The following SH3RF3 variants were observed in gnomAD, a reference collection of about 807,000 sequenced individuals.
The protein encoded by SH3RF3 is E3 ubiquitin-protein ligase SH3RF3.
Under a neutral mutation model 66.3 loss-of-function variants are expected in SH3RF3, and 29 were observed. The observed-to-expected ratio is 0.44, with a 90% confidence interval of 0.33 to 0.60. The LOEUF is 0.60. Among genes scored for constraint, SH3RF3 ranks in the 20% least tolerant of loss-of-function variants. The probability of loss-of-function intolerance (pLI) is 0.04; values close to 1 mark genes in which losing one functional copy is unlikely to be tolerated. For synonymous variants in SH3RF3, 583 were observed against 532.0 expected (o/e 1.10, Z -1.32); for missense variants, 1,194 against 1,190.9 (o/e 1.00, Z -0.04).
intron 1 of SH3RF3, among the ~76,000 whole-genome samples, chr2:109,201,597 T>C (rs970533545): frequency 3.3e-5 from 5 of 152,184 alleles, no homozygotes; most frequent in African/African-American, 1.2e-4. Context: ...AAGTGTGATC[T>C]GGGACCATGC....
intron 1 of SH3RF3, among the ~76,000 whole-genome samples, chr2:109,154,260 G>C (rs1175141707): frequency 6.6e-6 from 1 of 152,192 alleles, no homozygotes; most frequent in Non-Finnish European, 1.5e-5. Context: ...TGACCACATT[G>C]GATGGAAGCT....
Position 109,490,789 on chromosome 2 carries a change from T to C in SH3RF3, c.2333T>C (p.Ile778Thr), listed in dbSNP as rs1679108874. The change falls in exon 9 of 10, where the codon ATA becomes ACA. Residue 778 changes from isoleucine (I) to threonine (T), a missense_variant. Ile to Thr is a moderately conservative substitution (Grantham distance 89). Coordinates refer to ENST00000309415, the MANE Select transcript of SH3RF3 (RefSeq NM_001099289.3). ...SIHGRAGSCP[I>T]ESEMQGAMGM... ...CACGGCAGGGCAGGGTCCTGCCCCA[T>C]AGAGAGCGAGATGCAGGGTGCCATG... 2.6e-6 allele frequency: 4 copies of C among 1,536,734 alleles called. No individual in the cohort carries two copies. Among genetic ancestry groups the C allele is most frequent in the East Asian group, 2.4e-5 (1 of 40,900 alleles).
intron 1 of SH3RF3, among the ~76,000 whole-genome samples, chr2:109,341,936 A>G (rs768355775): frequency 6.6e-6 from 1 of 152,134 alleles, no homozygotes; most frequent in Non-Finnish European, 1.5e-5. Context: ...CAAAAGAAGC[A>G]GAAAGTGGGT....
chr2:109,249,521 T>TTTCTTTCTTTCTTTCTTTC (rs1680017131), intron 1 of SH3RF3, among the ~76,000 whole-genome samples: 1 of 93,660 alleles, frequency 1.1e-5, no homozygotes, highest in Non-Finnish European at 2.2e-5. Context: ...TTCTTTCTTT[T>TTTCTTTCTTTCTTTCTTTC]TCTTTCTTTC....
At chr2:109,206,238 C>G (rs1333401541) in intron 1 of SH3RF3, among the ~76,000 whole-genome samples, 1 of 152,090 alleles carries the variant, frequency 6.6e-6, no homozygotes, top group Non-Finnish European at 1.5e-5. Context: ...CGCCTGTAAT[C>G]CCAGCACTTT....
In SH3RF3 at chr2:109,129,227, C is replaced by A. The variant is rs1298009681; in HGVS notation, c.-314C>A. 1 of 547,484 alleles carries A rather than the reference C, an allele frequency of 1.8e-6. No individual in the cohort carries two copies. The highest frequency in any genetic ancestry group is 2.0e-5 in the African/African-American group (1 of 49,718). 33.9% of individuals were successfully genotyped at this position (547,484 alleles called of 1,614,324 possible). A position where few individuals can be genotyped will look rare whatever the true frequency, so the allele number is the denominator to read the frequency against. On this transcript the variant is annotated 5_prime_UTR_variant, in exon 1 of 10. Coordinates refer to ENST00000309415, the MANE Select transcript of SH3RF3 (RefSeq NM_001099289.3). ...AGCACAGAACCCGTTGAGCTTCGTG[C>A]CCGGCAGCACCCCCGGTCCCCCGCG...
intron 3 of SH3RF3, among the ~76,000 whole-genome samples, chr2:109,384,854 G>T (rs1285132332): frequency 5.3e-5 from 8 of 152,208 alleles, no homozygotes; most frequent in African/African-American, 1.9e-4. Flanking sequence ...TGGTTCCCAT[G>T]TGGCTTCTGA....
rs529461674 is a variant in SH3RF3 at position 109,312,939 on chromosome 2, C to T, written c.574-34735C>T. Reference sequence around the variant, plus strand: ...TCCTAGGTGTACGTTATTGAAGAGCCGCCCTATGTTTTCCACAGCAGCCCT... The same window carrying T: ...TCCTAGGTGTACGTTATTGAAGAGCTGCCCTATGTTTTCCACAGCAGCCCT... On this transcript the variant is annotated intron_variant, in intron 1 of 9. Coordinates refer to ENST00000309415, the MANE Select transcript of SH3RF3 (RefSeq NM_001099289.3). Among the ~76,000 whole-genome samples, 21 of 152,240 alleles carry T rather than the reference C, an allele frequency of 1.4e-4. No homozygotes were observed. In the East Asian group the frequency reaches 2.3e-3, roughly 17 times the overall value.
At chr2:109,237,363 C>T (rs931302497) in intron 1 of SH3RF3, among the ~76,000 whole-genome samples, 3 of 152,122 alleles carry the variant, frequency 2.0e-5, no homozygotes, top group African/African-American at 7.2e-5. Flanking sequence ...AATGTTGTTT[C>T]TCAGCTTTCA....
intron 5 of SH3RF3, among the ~76,000 whole-genome samples, chr2:109,431,529 A>C (rs1020973144): frequency 6.6e-6 from 1 of 152,204 alleles, no homozygotes; most frequent in Non-Finnish European, 1.5e-5. Flanking sequence ...AGTTAGAGGC[A>C]CAGCATCTAA....
At chr2:109,401,657 A>T (rs35876648) in intron 4 of SH3RF3, among the ~76,000 whole-genome samples, 46,777 of 152,134 alleles carry the variant, frequency 0.31, 8,544 homozygotes, top group Non-Finnish European at 0.41. Context: ...GGCCAGGGGC[A>T]TCTTCTCTGC....
At chr2:109,436,459 G>A (rs1171635804) in intron 6 of SH3RF3, among the ~76,000 whole-genome samples, 3 of 152,214 alleles carry the variant, frequency 2.0e-5, no homozygotes, top group Admixed American at 6.5e-5. Flanking sequence ...CAGCAGATGC[G>A]AGGTGGCAGT....
At chr2:109,226,897 G>A (rs943217862) in intron 1 of SH3RF3, among the ~76,000 whole-genome samples, 3 of 152,296 alleles carry the variant, frequency 2.0e-5, no homozygotes, top group South Asian at 2.1e-4. Flanking sequence ...AAGCAAAGCC[G>A]TGTGGTGGCC....
chr2:109,295,797 G>A (rs1163601098), intron 1 of SH3RF3, among the ~76,000 whole-genome samples: 2 of 152,154 alleles, frequency 1.3e-5, no homozygotes, highest in Admixed American at 6.5e-5. Flanking sequence ...GACTCTGGCC[G>A]GCTTTACGGA....
At chr2:109,140,996 A>T (rs1301347962) in intron 1 of SH3RF3, among the ~76,000 whole-genome samples, 1 of 152,132 alleles carries the variant, frequency 6.6e-6, no homozygotes, top group Non-Finnish European at 1.5e-5. Flanking sequence ...AAGCATCCTG[A>T]CAACCAGACT....
At chr2:109,461,678 C>T (rs1046296206) in intron 8 of SH3RF3, among the ~76,000 whole-genome samples, 14 of 149,658 alleles carry the variant, frequency 9.4e-5, no homozygotes, top group African/African-American at 3.0e-4. Context: ...AAGACCTGCG[C>T]GGTGATCCAC....
chr2:109,373,862 G>A lies in SH3RF3; in HGVS notation c.945+2181G>A, dbSNP rs549306618. ...CGGAGGTGGCTGAAGGCTGCGTTGG[G>A]CCCCTCAGCCCCTCCTCTGGAAGAA... On this transcript the variant is annotated intron_variant, in intron 3 of 9. Coordinates refer to ENST00000309415, the MANE Select transcript of SH3RF3 (RefSeq NM_001099289.3). Among the ~76,000 whole-genome samples the A allele has an allele frequency of 2.6e-5, 4 of 152,260 alleles. No individual in the cohort carries two copies. In the South Asian group the frequency reaches 8.3e-4, roughly 32 times the overall value.
chr2:109,149,920 C>A (rs1400033359), intron 1 of SH3RF3, among the ~76,000 whole-genome samples: 1 of 152,162 alleles, frequency 6.6e-6, no homozygotes, highest in African/African-American at 2.4e-5. Context: ...TTTTTAATTG[C>A]AGCTGTGTTC....
chr2:109,237,072 T>A (rs1375377329), intron 1 of SH3RF3, among the ~76,000 whole-genome samples: 1 of 152,082 alleles, frequency 6.6e-6, no homozygotes, highest in East Asian at 1.9e-4. Flanking sequence ...GCAAACAATG[T>A]TAAAATAAGA....
Sources: allele counts gnomAD v4.1 joint callset (sites outside exome capture counted in the v4.1 genomes callset), GRCh38; gene constraint gnomAD v4.1.1; transcripts MANE v1.5; gene names NCBI Gene and HGNC (gene_info 2026-07-23, HGNC 2026-07-21).